Variants in NELFA observed in about 807,000 individuals in gnomAD.
The protein encoded by NELFA is negative elongation factor complex member A.
Under a neutral mutation model 51.8 loss-of-function variants are expected in NELFA, and 35 were observed. The ratio of observed to expected loss-of-function variants is 0.68; its 90% CI spans 0.52 to 0.90. The LOEUF (loss-of-function observed/expected upper bound fraction) is 0.90, where lower values mean the gene tolerates loss of function less well. NELFA is among the 40% of genes least tolerant of loss of function. The pLI is 0.00. For synonymous variants in NELFA, 417 were observed against 338.4 expected (o/e 1.23, Z -2.55); for missense variants, 658 against 746.4 (o/e 0.88, Z 1.38).
At chr4:2,007,169 T>G (rs1482742405) in intron 1 of NELFA, 2 of 423,386 alleles carry the variant, frequency 4.7e-6, no homozygotes. Flanking sequence ...ATGGTGCCAC[T>G]GCACTCCAGC....
At chr4:1,993,072 G>T (rs1364851348) in intron 1 of NELFA, among the ~76,000 whole-genome samples, 1 of 152,258 alleles carries the variant, frequency 6.6e-6, no homozygotes, top group Non-Finnish European at 1.5e-5. Flanking sequence ...GCACAGCCCG[G>T]CTGTTTCCAG....
In NELFA at chr4:1,983,952, G is replaced by C. The variant is rs1171674784; in HGVS notation, c.1198C>G (p.Pro400Ala). 6.2e-7 allele frequency: 1 copy of C among 1,611,566 alleles called. No individual in the cohort carries two copies. Among genetic ancestry groups the C allele is most frequent in the African/African-American group, 1.3e-5 (1 of 74,916 alleles). Reference sequence around the variant, plus strand: ...TGAGTGGTAGGGGCGACAGCCGGAGGTGTGGTGGGTGTCAGAGGCGAGGTG... The same window carrying C: ...TGAGTGGTAGGGGCGACAGCCGGAGCTGTGGTGGGTGTCAGAGGCGAGGTG... Reference protein sequence around the residue: ...APTSPLTPTTPPAVAPTTQTP... With the variant: ...APTSPLTPTTAPAVAPTTQTP... The change falls in exon 9 of 11, where the codon CCT becomes GCT. Residue 400 changes from proline (P) to alanine (A), a missense_variant. Pro to Ala is a conservative substitution (Grantham distance 27, BLOSUM62 -1). Around this residue, in one of 3 missense-constraint regions of NELFA, gnomAD observed 200 missense variants for 167.9 expected, o/e 1.19. Transcript: ENST00000382882.
chr4:1,986,490 G>C (rs904931969), intron 4 of NELFA, 88 bp from the exon 5 acceptor site: 2 of 1,587,054 alleles, frequency 1.3e-6, no homozygotes, highest in Non-Finnish European at 1.7e-6. Flanking sequence ...CCTCTTCTAG[G>C]CTAGCGCCGC....
chr4:1,995,337 C>A lies in NELFA; in HGVS notation c.211-3622G>T, dbSNP rs540013778. On this transcript the variant is annotated intron_variant, in intron 1 of 10. Coordinates refer to ENST00000382882, the MANE Select transcript of NELFA (RefSeq NM_005663.5). ...TTTCTCTGGAGAACCCTGACTGATA[C>A]ACTGTGGAACACATCCAGCCCAGTC... Among the ~76,000 whole-genome samples the A allele has an allele frequency of 3.9e-5, 6 of 152,296 alleles. No homozygotes were observed. The East Asian group carries it at 1.2e-3, about 29-fold the overall frequency.
intron 1 of NELFA, among the ~76,000 whole-genome samples, chr4:1,996,569 C>T (rs1282479437): frequency 6.6e-6 from 1 of 152,196 alleles, no homozygotes; most frequent in Non-Finnish European, 1.5e-5. Context: ...AATCAACAAA[C>T]ATCTGGTGAG....
intron 1 of NELFA, among the ~76,000 whole-genome samples, chr4:2,003,544 A>G (rs1281603209): frequency 4.6e-5 from 7 of 152,242 alleles, no homozygotes; most frequent in Admixed American, 6.5e-5. Flanking sequence ...AATACTACGC[A>G]GCCATAAAAA....
chr4:2,001,759 C>T (rs1237746611), intron 1 of NELFA, among the ~76,000 whole-genome samples: 5 of 152,160 alleles, frequency 3.3e-5, no homozygotes, highest in African/African-American at 1.2e-4. Flanking sequence ...ACAAATTAGC[C>T]GGGCGTGGTG....
intron 4 of NELFA, 115 bp downstream of exon 4, chr4:1,987,803 T>A (rs1728151880): frequency 1.1e-6 from 1 of 891,218 alleles, no homozygotes; most frequent in African/African-American, 1.7e-5. Flanking sequence ...CTCCCAACAC[T>A]GCTGCCTGAA....
At chr4:1,993,274 G>C (rs1253547838) in intron 1 of NELFA, among the ~76,000 whole-genome samples, 1 of 152,226 alleles carries the variant, frequency 6.6e-6, no homozygotes, top group Non-Finnish European at 1.5e-5. Context: ...CTCTACTGGG[G>C]CTTCTTGTAG....
At chr4:2,004,969 C>T (rs984711984) in intron 1 of NELFA, among the ~76,000 whole-genome samples, 3 of 151,308 alleles carry the variant, frequency 2.0e-5, no homozygotes, top group African/African-American at 7.3e-5. Flanking sequence ...CCATGCCCGG[C>T]TAATTTTTTT....
chr4:1,984,621 G>T (rs1331187427), intron 8 of NELFA, among the ~76,000 whole-genome samples, 187 bp downstream of exon 8: 1 of 152,250 alleles, frequency 6.6e-6, no homozygotes, highest in African/African-American at 2.4e-5. Context: ...GTGGGGCAAA[G>T]CAGCTGGTTT....
In NELFA at chr4:1,984,129, G is replaced by A; in HGVS notation, c.1037-16C>T. The A allele has an allele frequency of 6.5e-7, 1 of 1,528,664 alleles. No homozygotes were observed. Among genetic ancestry groups the A allele is most frequent in the Non-Finnish European group, 8.7e-7 (1 of 1,145,224 alleles). The allele number at this position is 1,528,664 out of a possible 1,614,324, so 94.7% of individuals were successfully genotyped here. ...GAAGATGGGGCTGCAAGTAGACCGG[G>A]GCCTGGTGAGGGGGCTGGACCCCCA... On this transcript the variant is annotated splice_polypyrimidine_tract_variant and intron_variant, in intron 8 of 10. Transcript: ENST00000382882.
At chr4:2,006,696 G>A (rs1344385636) in intron 1 of NELFA, among the ~76,000 whole-genome samples, 16 of 144,740 alleles carry the variant, frequency 1.1e-4, no homozygotes, top group Admixed American at 2.9e-4. Flanking sequence ...TTAAGCCCAG[G>A]AGTTCAAGGT....
At chr4:1,991,292 C>A (rs763763187) in intron 2 of NELFA, among the ~76,000 whole-genome samples, 4 of 152,134 alleles carry the variant, frequency 2.6e-5, no homozygotes, top group Non-Finnish European at 5.9e-5. Flanking sequence ...CGGCGAGTGG[C>A]GTGACACAGC....
chr4:1,988,201 G>T (rs1728168036), intron 3 of NELFA, among the ~76,000 whole-genome samples, 194 bp from the exon 4 acceptor site: 1 of 152,234 alleles, frequency 6.6e-6, no homozygotes, highest in Non-Finnish European at 1.5e-5. Context: ...TCACTCAGGT[G>T]AGCAAGTTTC....
chr4:1,991,183 C>T (rs1010725888), intron 2 of NELFA, among the ~76,000 whole-genome samples: 9 of 152,218 alleles, frequency 5.9e-5, no homozygotes, highest in African/African-American at 2.2e-4. Context: ...TGAGCATGTA[C>T]TCTGGGCCAG....
chr4:1,996,113 C>T (rs1728415830), intron 1 of NELFA, among the ~76,000 whole-genome samples: 1 of 152,196 alleles, frequency 6.6e-6, no homozygotes. Context: ...TTACTGGCAA[C>T]ATTTACAAAA....
chr4:2,002,062 T>A (rs937950217), intron 1 of NELFA, among the ~76,000 whole-genome samples: 1 of 151,582 alleles, frequency 6.6e-6, no homozygotes, highest in Non-Finnish European at 1.5e-5. Flanking sequence ...TAGCCAGGCA[T>A]GGTGGCGGGC....
In NELFA at chr4:1,992,015, TG is replaced by T. The variant is rs1433019511; in HGVS notation, c.211-301del. ...GCCTACTCTTCCACCGGTGCGCAGA[TG>T]CAAGAAAACCTGAAGGGTGAGAAGC... On this transcript the variant is annotated intron_variant, in intron 1 of 10. Coordinates refer to ENST00000382882, the MANE Select transcript of NELFA (RefSeq NM_005663.5). 5 of 313,016 alleles carry T rather than the reference TG, an allele frequency of 1.6e-5. No individual in the cohort carries two copies. In the East Asian group the frequency reaches 3.7e-4, roughly 23 times the overall value. The allele number at this position is 313,016 out of a possible 1,614,324, so 19.4% of individuals were successfully genotyped here.
Sources: allele counts gnomAD v4.1 joint callset (sites outside exome capture counted in the v4.1 genomes callset), GRCh38; gene constraint gnomAD v4.1.1; regional missense constraint gnomAD v4.1.1; transcripts MANE v1.5; gene names NCBI Gene and HGNC (gene_info 2026-07-23, HGNC 2026-07-21).